Variants in LHPP observed in about 807,000 individuals in gnomAD.
LHPP encodes the protein hLHPP.
LHPP carries 24 observed loss-of-function variants against 30.3 expected under a neutral mutation model. The ratio of observed to expected loss-of-function variants is 0.79; its 90% CI spans 0.57 to 1.11. The LOEUF (loss-of-function observed/expected upper bound fraction) is 1.11, where lower values mean the gene tolerates loss of function less well. Ranked by LOEUF, LHPP falls within the 50% of genes most tolerant of loss-of-function variation. The probability of loss-of-function intolerance (pLI) is 0.00; values close to 1 mark genes in which losing one functional copy is unlikely to be tolerated. For missense variants in LHPP, 356 were observed against 367.2 expected (o/e 0.97, Z 0.25); for synonymous variants, 150 against 157.1 (o/e 0.95, Z 0.34).
chr10:124,534,037 C>T (rs1442543169), intron 6 of LHPP, among the ~76,000 whole-genome samples: 2 of 15,192 alleles, frequency 1.3e-4, no homozygotes, highest in South Asian at 2.4e-3. Flanking sequence ...GGGATTGGGG[C>T]GGGGGATGCA....
chr10:124,507,581 A>G (rs373544241), intron 5 of LHPP, among the ~76,000 whole-genome samples: 12 of 14,976 alleles, frequency 8.0e-4, no homozygotes, highest in South Asian at 6.3e-3. Context: ...AGGTGGGGGG[A>G]TAGGGAGTAT....
intron 2 of LHPP, among the ~76,000 whole-genome samples, chr10:124,486,617 C>G (rs971896505): frequency 6.6e-6 from 1 of 152,242 alleles, no homozygotes; most frequent in Non-Finnish European, 1.5e-5. Flanking sequence ...TGTGACAACA[C>G]ATGGGAAGCA....
At position 124,510,276 on chromosome 10, in the gene LHPP, T is replaced by G. The variant is rs1393824827; in HGVS notation, c.625-6904T>G. 6.6e-6 allele frequency among the ~76,000 whole-genome samples: 1 copy of G among 152,230 alleles called. No homozygotes were observed. Among genetic ancestry groups the G allele is most frequent in the African/African-American group, 2.4e-5 (1 of 41,452 alleles). ...CAATAATTGCTCCTCCTTGCGTGAT[T>G]ATTGCCCTTCACCGATAGTAAATCT... On this transcript the variant is annotated intron_variant, in intron 5 of 6. Transcript: ENST00000368842. This position sits in a 1 kb window ranked among gnomAD's most constrained non-coding sequence, Gnocchi z 4.0.
At chr10:124,612,870 G>T (rs1424007078) in intron 6 of LHPP, 2 of 216,724 alleles carry the variant, frequency 9.2e-6, no homozygotes, top group Non-Finnish European at 1.9e-5. Flanking sequence ...TCCTCCCACG[G>T]GGCACTAGGC....
intron 6 of LHPP, chr10:124,553,880 T>C: frequency 1.0e-6 from 1 of 985,398 alleles, no homozygotes; most frequent in Non-Finnish European, 1.2e-6. Flanking sequence ...GCCCACCACA[T>C]CTGTCTTACC....
intron 6 of LHPP, among the ~76,000 whole-genome samples, chr10:124,587,654 C>T (rs374958856): frequency 7.0e-6 from 1 of 143,376 alleles, no homozygotes; most frequent in African/African-American, 2.6e-5. Context: ...GCAGGAGAAT[C>T]GCTGGAACCT....
intron 5 of LHPP, among the ~76,000 whole-genome samples, chr10:124,507,941 G>T (rs1954195721): frequency 6.6e-6 from 1 of 150,688 alleles, no homozygotes; most frequent in African/African-American, 2.4e-5. Context: ...CATGAGGGCT[G>T]CAGTGATCTT....
chr10:124,611,902 C>T (rs1300932200), intron 6 of LHPP, among the ~76,000 whole-genome samples: 1 of 152,220 alleles, frequency 6.6e-6, no homozygotes, highest in Non-Finnish European at 1.5e-5. Context: ...CCCTGCTTCT[C>T]AGGGAGCTTG....
chr10:124,502,509 C>T (rs984426851), intron 5 of LHPP, among the ~76,000 whole-genome samples: 1 of 151,348 alleles, frequency 6.6e-6, no homozygotes, highest in Non-Finnish European at 1.5e-5. Context: ...GGACTGCAGG[C>T]GCCCGCCACC....
At chr10:124,534,222 G>A (rs934019605) in intron 6 of LHPP, among the ~76,000 whole-genome samples, 3 of 152,268 alleles carry the variant, frequency 2.0e-5, no homozygotes, top group Non-Finnish European at 2.9e-5. Flanking sequence ...TAGGCTTGGC[G>A]GCCCATGCCG....
At chr10:124,565,148 C>T (rs898727198) in intron 6 of LHPP, among the ~76,000 whole-genome samples, 3 of 152,160 alleles carry the variant, frequency 2.0e-5, no homozygotes, top group Admixed American at 2.0e-4. Context: ...ACTCAAGGGG[C>T]TTCACTCGCC....
At chr10:124,543,005 C>T (rs6597836) in intron 6 of LHPP, among the ~76,000 whole-genome samples, 8 of 152,066 alleles carry the variant, frequency 5.3e-5, no homozygotes, top group Non-Finnish European at 1.0e-4. Context: ...CCCTGCACTG[C>T]GTGTGCCCTG....
chr10:124,609,598 A>G (rs1263557167), intron 6 of LHPP, among the ~76,000 whole-genome samples: 2 of 152,184 alleles, frequency 1.3e-5, no homozygotes, highest in Non-Finnish European at 2.9e-5. Context: ...AAGTGCTCTA[A>G]AAGTGAAGAA....
intron 1 of LHPP, among the ~76,000 whole-genome samples, chr10:124,476,195 A>G (rs543309769): frequency 1.3e-5 from 2 of 152,218 alleles, no homozygotes; most frequent in Non-Finnish European, 2.9e-5. Flanking sequence ...GACCCAGACC[A>G]GGAGGCCCAG....
chr10:124,601,926 T>C (rs897295), intron 6 of LHPP, among the ~76,000 whole-genome samples: 150,324 of 152,268 alleles, frequency 0.99, 74,225 homozygotes, highest in East Asian at 1. Flanking sequence ...TACCAGGCCC[T>C]GCGTGCACTC....
rs539760711 is a variant in LHPP at position 124,469,061 on chromosome 10, C to T, written c.125+7074C>T. 4.6e-5 allele frequency among the ~76,000 whole-genome samples: 7 copies of T among 152,310 alleles called. No individual in the cohort carries two copies. In the South Asian group the frequency reaches 6.2e-4, roughly 14 times the overall value. ...GTGAAGTCTGTGTGGCCTGCAGCCA[C>T]GGGGGCGAGTGGCCCTGCGCCTTTC... is the stretch of plus-strand genomic sequence containing the variant. On this transcript the variant is annotated intron_variant, in intron 1 of 6. Transcript: ENST00000368842.
Position 124,572,323 on chromosome 10 carries a change from C to A in LHPP, c.717-40941C>A, listed in dbSNP as rs1474006471. On this transcript the variant is annotated intron_variant, in intron 6 of 6. Transcript: ENST00000368842. ...TCACTGGCACCGAGAAGTGTACATG[C>A]TGCAAAGAAAATACTCTGTTCAGGA... Among the ~76,000 whole-genome samples the A allele has an allele frequency of 2.6e-5, 4 of 152,076 alleles. No individual in the cohort carries two copies. In the East Asian group the frequency reaches 5.8e-4, roughly 22 times the overall value.
intron 6 of LHPP, among the ~76,000 whole-genome samples, chr10:124,575,534 C>G (rs1327090668): frequency 6.6e-6 from 1 of 152,106 alleles, no homozygotes; most frequent in Non-Finnish European, 1.5e-5. Flanking sequence ...CATGACAGTC[C>G]CCTGTGCCCA....
intron 1 of LHPP, among the ~76,000 whole-genome samples, chr10:124,480,922 G>A (rs1237283101): frequency 6.6e-6 from 1 of 152,204 alleles, no homozygotes; most frequent in Non-Finnish European, 1.5e-5. Flanking sequence ...GCAGAAACAT[G>A]TGTTTTCACC....
Sources: gnomAD v4.1 joint callset for allele counts (sites outside exome capture counted in the v4.1 genomes callset) on GRCh38, gnomAD v4.1.1 for gene constraint, Gnocchi (gnomAD v3.1) non-coding constraint, MANE v1.5 for transcripts, NCBI Gene and HGNC (gene_info 2026-07-23, HGNC 2026-07-21) for gene names.